Variants in SYNPR observed in about 807,000 individuals in gnomAD.
SYNPR encodes synaptoporin.
In SYNPR, 23 loss-of-function variants were observed where a neutral mutation model predicts 32.9. That is an observed-to-expected ratio of 0.70 (90% CI 0.50 to 0.99). The LOEUF is 0.99. Among genes scored for constraint, SYNPR ranks in the 50% least tolerant of loss-of-function variants. SYNPR has a pLI of 0.00. For missense variants in SYNPR, 318 were observed against 349.3 expected (o/e 0.91, Z 0.71); for synonymous variants, 146 against 135.9 (o/e 1.07, Z -0.52).
chr3:63,337,794 G>T (rs190997811), intron 2 of SYNPR, among the ~76,000 whole-genome samples: 107 of 152,290 alleles, frequency 7.0e-4, no homozygotes, highest in African/African-American at 2.4e-3. Flanking sequence ...CCAAATAAAT[G>T]ACATTCTGGA....
At chr3:63,416,925 A>G (rs2088550014) in intron 2 of SYNPR, among the ~76,000 whole-genome samples, 1 of 152,196 alleles carries the variant, frequency 6.6e-6, no homozygotes, top group Non-Finnish European at 1.5e-5. Context: ...GTGGGGACAC[A>G]GCCAAACCAT....
chr3:63,225,624 A>G (rs1169467453), upstream of SYNPR, among the ~76,000 whole-genome samples: 1 of 152,160 alleles, frequency 6.6e-6, no homozygotes, highest in Non-Finnish European at 1.5e-5. Flanking sequence ...ACTGGAACCC[A>G]TCTCCCATCA....
intron 2 of SYNPR, among the ~76,000 whole-genome samples, chr3:63,296,966 T>C (rs912798893): frequency 6.6e-6 from 1 of 152,170 alleles, no homozygotes; most frequent in Non-Finnish European, 1.5e-5. Context: ...CTAGTGTGAC[T>C]AAGCAAGCTA....
At chr3:63,573,464 A>G (rs1357974284) in intron 4 of SYNPR, among the ~76,000 whole-genome samples, 2 of 152,184 alleles carry the variant, frequency 1.3e-5, no homozygotes, top group African/African-American at 2.4e-5. Context: ...CATCTCCAAA[A>G]TAAATATTAA....
chr3:63,261,883 G>T lies in SYNPR; in HGVS notation n.155-5434G>T, dbSNP rs575765182. Among the ~76,000 whole-genome samples the T allele has an allele frequency of 6.6e-5, 10 of 151,586 alleles. No homozygotes were observed. In the South Asian group the frequency reaches 8.4e-4, roughly 13 times the overall value. ...CACACACCGGGGACTGTCGTGGGGTGGGGGGAGAGTGGAGGGATAGCATTA... is the reference window on the plus strand; with the variant it reads ...CACACACCGGGGACTGTCGTGGGGTTGGGGGAGAGTGGAGGGATAGCATTA... On this transcript the variant is annotated intron_variant and non_coding_transcript_variant, in intron 2 of 4. Coordinates refer to the SYNPR transcript ENST00000478456.
At chr3:63,527,741 C>G (rs1382877262) in intron 3 of SYNPR, among the ~76,000 whole-genome samples, 1 of 152,148 alleles carries the variant, frequency 6.6e-6, no homozygotes, top group South Asian at 2.1e-4. Flanking sequence ...GCCCAGCAAC[C>G]CCCTGATGGG....
intron 2 of SYNPR, among the ~76,000 whole-genome samples, chr3:63,438,173 T>A (rs1414362079): frequency 6.6e-6 from 1 of 152,210 alleles, no homozygotes; most frequent in Non-Finnish European, 1.5e-5. Flanking sequence ...TCAGAAAATA[T>A]GTCTTGCACA....
At chr3:63,283,359 A>C (rs1179504298) in intron 2 of SYNPR, among the ~76,000 whole-genome samples, 1 of 150,210 alleles carries the variant, frequency 6.7e-6, no homozygotes, top group Non-Finnish European at 1.5e-5. Context: ...CAATTTCAAG[A>C]CTTGCAGGCA....
chr3:63,578,976 C>T (rs1391750945), intron 4 of SYNPR, among the ~76,000 whole-genome samples: 3 of 152,076 alleles, frequency 2.0e-5, no homozygotes, highest in Non-Finnish European at 4.4e-5. Context: ...ACCCTTAAAT[C>T]AAATCCCCCA....
intron 1 of SYNPR, among the ~76,000 whole-genome samples, chr3:63,245,672 T>C (rs2086278047): frequency 7.4e-6 from 1 of 135,524 alleles, no homozygotes; most frequent in Middle Eastern, 3.8e-3. Context: ...TAAGAAAGCT[T>C]TGTCAAGTGA....
intron 2 of SYNPR, among the ~76,000 whole-genome samples, chr3:63,283,462 A>T (rs954135377): frequency 1.3e-5 from 2 of 151,976 alleles, no homozygotes; most frequent in African/African-American, 4.8e-5. Flanking sequence ...CATAGCACTG[A>T]CTCTGGTGGT....
At chr3:63,304,034 A>G (rs1360070099) in intron 2 of SYNPR, among the ~76,000 whole-genome samples, 1 of 152,026 alleles carries the variant, frequency 6.6e-6, no homozygotes, top group Non-Finnish European at 1.5e-5. Context: ...CATCACATGA[A>G]TTCTCCTATG....
At chr3:63,551,201 C>G (rs1259317786) in intron 3 of SYNPR, among the ~76,000 whole-genome samples, 1 of 152,210 alleles carries the variant, frequency 6.6e-6, no homozygotes, top group Non-Finnish European at 1.5e-5. Flanking sequence ...GCTTCTTTCA[C>G]TGAGCATAAT....
At chr3:63,252,225 G>C (rs2106890351) in intron 1 of SYNPR, among the ~76,000 whole-genome samples, 1 of 152,234 alleles carries the variant, frequency 6.6e-6, no homozygotes, top group Non-Finnish European at 1.5e-5. Context: ...ACAGTCAACT[G>C]TGAATTTCTC....
chr3:63,506,734 A>G (rs1701596518), intron 3 of SYNPR, among the ~76,000 whole-genome samples: 1 of 152,224 alleles, frequency 6.6e-6, no homozygotes, highest in African/African-American at 2.4e-5. Flanking sequence ...GGAGTTAGAC[A>G]TTAACAAATT....
chr3:63,354,992 G>C (rs1395469867), intron 2 of SYNPR, among the ~76,000 whole-genome samples: 1 of 152,152 alleles, frequency 6.6e-6, no homozygotes, highest in Non-Finnish European at 1.5e-5. Flanking sequence ...TAAAGTCCCA[G>C]AGCAGGCCAG....
At chr3:63,388,673 G>A (rs2088090359) in intron 2 of SYNPR, among the ~76,000 whole-genome samples, 1 of 151,348 alleles carries the variant, frequency 6.6e-6, no homozygotes, top group Non-Finnish European at 1.5e-5. Context: ...ACCCACCTCA[G>A]CCTCCCAAAG....
intron 2 of SYNPR, among the ~76,000 whole-genome samples, chr3:63,411,119 G>A (rs527667743): frequency 3.3e-4 from 50 of 152,140 alleles, no homozygotes; most frequent in Non-Finnish European, 4.6e-4. Flanking sequence ...CCGATGCAAT[G>A]TGGAAACTGA....
intron 3 of SYNPR, among the ~76,000 whole-genome samples, chr3:63,270,835 T>C (rs1297386392): frequency 4.6e-5 from 7 of 151,932 alleles, no homozygotes; most frequent in Non-Finnish European, 8.8e-5. Flanking sequence ...TTGATCATGG[T>C]TTAGAGAAAA....
Sources: gnomAD v4.1 joint callset for allele counts (sites outside exome capture counted in the v4.1 genomes callset) on GRCh38, gnomAD v4.1.1 for gene constraint, MANE v1.5 for transcripts, NCBI Gene and HGNC (gene_info 2026-07-23, HGNC 2026-07-21) for gene names.